EMILIN2: variants seen among roughly 807,000 people sequenced by gnomAD.
EMILIN2 encodes EMILIN-2.
Under a neutral mutation model 87.1 loss-of-function variants are expected in EMILIN2, and 71 were observed. The ratio of observed to expected loss-of-function variants is 0.82; its 90% CI spans 0.67 to 0.99. The LOEUF (loss-of-function observed/expected upper bound fraction) is 0.99. Ranked by LOEUF, EMILIN2 falls within the 50% of genes least tolerant of loss-of-function variation. EMILIN2 has a pLI of 0.00. For synonymous variants in EMILIN2, 581 were observed against 563.4 expected, an observed-to-expected ratio of 1.03 and a Z score of -0.44; for missense variants, 1,407 against 1,371.8, an observed-to-expected ratio of 1.03 and a Z score of -0.40.
At chr18:2,854,670 T>C (rs2076618355) in intron 2 of EMILIN2, among the ~76,000 whole-genome samples, 2 of 152,166 alleles carry the variant, frequency 1.3e-5, no homozygotes, top group African/African-American at 4.8e-5. Flanking sequence ...GCTACGTGCC[T>C]GTAGTCCCAG....
chr18:2,878,828 G>C (rs1011452240), intron 2 of EMILIN2, among the ~76,000 whole-genome samples: 1 of 152,232 alleles, frequency 6.6e-6, no homozygotes, highest in African/African-American at 2.4e-5. Flanking sequence ...AGCAAGAAGA[G>C]CTGGCTCCAG....
chr18:2,858,583 G>GTGTGTGTGTGTGTATA (rs1180735843), intron 2 of EMILIN2, among the ~76,000 whole-genome samples: 1 of 63,042 alleles, frequency 1.6e-5, no homozygotes, highest in African/African-American at 9.3e-5. Context: ...GTGTGTGTGT[G>GTGTGTGTGTGTGTATA]TATATATATA....
chr18:2,900,276 C>T (rs1201502943), intron 4 of EMILIN2, among the ~76,000 whole-genome samples: 1 of 152,312 alleles, frequency 6.6e-6, no homozygotes, highest in South Asian at 2.1e-4. Flanking sequence ...CAGCCTTGAA[C>T]TCCTGGGCTC....
At position 2,891,658 on chromosome 18, in the gene EMILIN2, A is replaced by G; in HGVS notation, c.1531A>G (p.Asn511Asp). The change falls in exon 4 of 8, where the codon AAC becomes GAC. Residue 511 changes from asparagine (N) to aspartate (D), a missense_variant. Transcript: ENST00000254528. The surrounding 1 kb of genome is among the most constrained non-coding windows in gnomAD (Gnocchi z 4.6). Reference sequence around the variant, plus strand: ...GAGCGTTCTCCTACAGATGACCAATAACACTGGTGCAGAGCTCAGTCCCCC... The same window carrying G: ...GAGCGTTCTCCTACAGATGACCAATGACACTGGTGCAGAGCTCAGTCCCCC... ...LGSVLLQMTN[N>D]TGAELSPPGA... 6.2e-7 allele frequency: 1 copy of G among 1,614,106 alleles called. No individual in the cohort carries two copies.
rs1470455673 is a variant in EMILIN2, at chr18:2,847,434, G to A, written c.134+112G>A. ...CGAGCGGCAGCCGGGGGCCTCCCTT[G>A]GACTTCCCCGGGCGGCTCCCTCTGC... On this transcript the variant is annotated intron_variant, in intron 1 of 7. Coordinates refer to ENST00000254528, the MANE Select transcript of EMILIN2 (RefSeq NM_032048.3). The surrounding 1 kb of genome is among the most constrained non-coding windows in gnomAD (Gnocchi z 4.5). 2 of 1,145,280 alleles carry A rather than the reference G, an allele frequency of 1.7e-6. No homozygotes were observed. Among genetic ancestry groups the A allele is most frequent in the East Asian group, 3.5e-5 (1 of 28,352 alleles). 70.9% of individuals were successfully genotyped at this position (1,145,280 alleles called of 1,614,324 possible).
rs2076855079 is a variant in EMILIN2 at position 2,894,633 on chromosome 18, G to A, written c.2359+2147G>A. 1.3e-5 allele frequency among the ~76,000 whole-genome samples: 2 copies of A among 152,340 alleles called. No homozygotes were observed. The highest frequency in any genetic ancestry group is 6.5e-5 in the Admixed American group (1 of 15,310). On this transcript the variant is annotated intron_variant, in intron 4 of 7. Transcript: ENST00000254528. The surrounding 1 kb of genome is among the most constrained non-coding windows in gnomAD (Gnocchi z 5.0). ...TGTCTGTTGCAGTAGGAGTTGGGGG[G>A]TGAATTCTTTTAAAAGAGAATGTGC...
At chr18:2,867,073 C>T (rs572460691) in intron 2 of EMILIN2, among the ~76,000 whole-genome samples, 13 of 152,114 alleles carry the variant, frequency 8.5e-5, no homozygotes, top group East Asian at 3.9e-4. Flanking sequence ...CTTATCTTTT[C>T]GATATGCTGT....
intron 6 of EMILIN2, 71 bp downstream of exon 6, chr18:2,909,046 C>A: frequency 1.3e-6 from 2 of 1,553,726 alleles, no homozygotes; most frequent in Non-Finnish European, 1.8e-6. Context: ...CTCTGCATCT[C>A]CTGCCTCCTC....
At chr18:2,859,386 C>G (rs1410177997) in intron 2 of EMILIN2, among the ~76,000 whole-genome samples, 2 of 152,042 alleles carry the variant, frequency 1.3e-5, no homozygotes, top group African/African-American at 2.4e-5. Context: ...ATTGTCCATT[C>G]ATGTCCTTAG....
At chr18:2,905,102 C>T (rs891115433) in intron 4 of EMILIN2, among the ~76,000 whole-genome samples, 3 of 152,092 alleles carry the variant, frequency 2.0e-5, no homozygotes, top group African/African-American at 7.2e-5. Flanking sequence ...AATCCTGATG[C>T]CATTCTATTG....
chr18:2,867,366 A>C (rs2076691641), intron 2 of EMILIN2, among the ~76,000 whole-genome samples: 1 of 151,746 alleles, frequency 6.6e-6, no homozygotes. Flanking sequence ...TTATTTATTT[A>C]TTTATTGATC....
intron 4 of EMILIN2, 77 bp from the exon 5 acceptor site, chr18:2,906,706 T>C (rs1444100954): frequency 1.8e-6 from 2 of 1,130,804 alleles, no homozygotes; most frequent in East Asian, 3.4e-5. Flanking sequence ...CCGGGACTCA[T>C]GGAGGGGACC....
At chr18:2,909,956 G>A (rs1055815830) in intron 7 of EMILIN2, 137 bp downstream of exon 7, 3 of 1,202,996 alleles carry the variant, frequency 2.5e-6, no homozygotes, top group African/African-American at 3.1e-5. Flanking sequence ...TGCCCGAGTG[G>A]GCCTGCACTC....
At chr18:2,874,228 G>GTT (rs113532875) in intron 2 of EMILIN2, among the ~76,000 whole-genome samples, 30 of 151,704 alleles carry the variant, frequency 2.0e-4, no homozygotes, top group African/African-American at 7.3e-4. Context: ...TCTTGTTGTT[G>GTT]TTTTTTTTAA....
chr18:2,881,497 G>A (rs1216699485), intron 2 of EMILIN2, among the ~76,000 whole-genome samples: 3 of 152,218 alleles, frequency 2.0e-5, no homozygotes, highest in African/African-American at 4.8e-5. Flanking sequence ...TGCCTTGAAA[G>A]AAAAGAACAA....
At chr18:2,874,425 G>A (rs535074877) in intron 2 of EMILIN2, among the ~76,000 whole-genome samples, 1 of 152,170 alleles carries the variant, frequency 6.6e-6, no homozygotes, top group South Asian at 2.1e-4. Flanking sequence ...CTGAAGACAT[G>A]CGGTGACATA....
chr18:2,858,003 C>A (rs1260468484), intron 2 of EMILIN2, among the ~76,000 whole-genome samples: 2 of 152,194 alleles, frequency 1.3e-5, no homozygotes, highest in Non-Finnish European at 1.5e-5. Flanking sequence ...AGGCACAGAT[C>A]TCCTTCTCAC....
chr18:2,868,506 A>G (rs1366412422), intron 2 of EMILIN2, among the ~76,000 whole-genome samples: 1 of 152,280 alleles, frequency 6.6e-6, no homozygotes, highest in East Asian at 1.9e-4. Flanking sequence ...CCTGGGCACC[A>G]TTGAGCACTG....
At chr18:2,849,275 T>C (rs544740961) in intron 2 of EMILIN2, among the ~76,000 whole-genome samples, 1 of 152,308 alleles carries the variant, frequency 6.6e-6, no homozygotes, top group African/African-American at 2.4e-5. Flanking sequence ...TTTGAATGCA[T>C]TTGTTTAAAA....
Sources: allele counts gnomAD v4.1 joint callset (sites outside exome capture counted in the v4.1 genomes callset), GRCh38; gene constraint gnomAD v4.1.1; non-coding constraint Gnocchi (gnomAD v3.1); transcripts MANE v1.5; gene names NCBI Gene and HGNC (gene_info 2026-07-23, HGNC 2026-07-21).